Variants in SMYD3 observed in about 807,000 individuals in gnomAD.
The protein encoded by SMYD3 is histone-lysine N-methyltransferase SMYD3.
A neutral mutation model predicts 57.7 loss-of-function variants in SMYD3; 36 were observed. The ratio of observed to expected loss-of-function variants is 0.62; its 90% CI spans 0.48 to 0.82. The LOEUF is 0.82. SMYD3 is among the 40% of genes least tolerant of loss of function. SMYD3 has a pLI of 0.00. For missense variants in SMYD3, 515 were observed against 538.8 expected, an observed-to-expected ratio of 0.96 and a Z score of 0.44; for synonymous variants, 211 against 195.0, an observed-to-expected ratio of 1.08 and a Z score of -0.68.
At chr1:246,181,124 C>A (rs1256745691) in intron 5 of SMYD3, among the ~76,000 whole-genome samples, 1 of 152,190 alleles carries the variant, frequency 6.6e-6, no homozygotes, top group Non-Finnish European at 1.5e-5. Flanking sequence ...GAAACAAGTG[C>A]TCTTGTGAAC....
At chr1:246,354,033 G>A (rs571712893) in intron 2 of SMYD3, among the ~76,000 whole-genome samples, 9 of 152,306 alleles carry the variant, frequency 5.9e-5, no homozygotes, top group African/African-American at 2.2e-4. Context: ...TAAAATGAGA[G>A]AGAAGAAAAC....
intron 1 of SMYD3, among the ~76,000 whole-genome samples, chr1:246,370,408 G>A (rs2066174988): frequency 6.6e-6 from 1 of 152,326 alleles, no homozygotes; most frequent in South Asian, 2.1e-4. Flanking sequence ...GAGTGGCAGA[G>A]AATGGTAGGA....
intron 5 of SMYD3, among the ~76,000 whole-genome samples, chr1:246,120,535 C>G (rs1045050487): frequency 1.3e-5 from 2 of 152,256 alleles, no homozygotes; most frequent in East Asian, 3.9e-4. Flanking sequence ...TTCACAGTTT[C>G]TACTTGTTGG....
chr1:245,945,964 G>C (rs1003147852), intron 5 of SMYD3, among the ~76,000 whole-genome samples: 17 of 152,290 alleles, frequency 1.1e-4, no homozygotes, highest in Non-Finnish European at 5.9e-5. Context: ...CCTGTCCGGG[G>C]ATTGAGGGGC....
chr1:246,351,468 T>C (rs373675532), intron 2 of SMYD3, among the ~76,000 whole-genome samples: 2 of 152,236 alleles, frequency 1.3e-5, no homozygotes, highest in African/African-American at 2.4e-5. Context: ...CTCATAATCA[T>C]GTGTGATGTT....
intron 10 of SMYD3, among the ~76,000 whole-genome samples, chr1:245,854,079 T>C (rs1020056995): frequency 6.6e-6 from 1 of 152,156 alleles, no homozygotes; most frequent in Non-Finnish European, 1.5e-5. Context: ...AAATACTATT[T>C]ATGGACAACA....
At position 245,955,840 on chromosome 1, in the gene SMYD3, A is replaced by C. The variant is rs1001120400; in HGVS notation, c.532-25903T>G. The C allele has an allele frequency of 5.6e-6, 4 of 713,438 alleles. No individual in the cohort carries two copies. The African/African-American group carries it at 7.8e-5, about 14-fold the overall frequency. The allele number at this position is 713,438 out of a possible 1,614,324, so 44.2% of individuals were successfully genotyped here. ...ATACTTTTGGCTACTTACAGATGGA[A>C]TCATACTGCATTGATGATTTTGCAA... is the stretch of plus-strand genomic sequence containing the variant. On this transcript the variant is annotated intron_variant, in intron 5 of 11. Coordinates refer to ENST00000490107, the MANE Select transcript of SMYD3 (RefSeq NM_001167740.2).
chr1:246,198,796 G>A (rs1049037154), intron 5 of SMYD3, among the ~76,000 whole-genome samples: 4 of 152,136 alleles, frequency 2.6e-5, no homozygotes, highest in Non-Finnish European at 5.9e-5. Flanking sequence ...TTTTATAGTG[G>A]CACCTACTTT....
Position 246,248,633 on chromosome 1 carries a change from T to TG in SMYD3, c.531+78567_531+78568insC, listed in dbSNP as rs1558348032. ...CCAGTTATGCAAAAGCTCTCTGACT[T>TG]TCCTTTTTTTTTTTTTTTTTTTTTT... On this transcript the variant is annotated intron_variant, in intron 5 of 11. Transcript: ENST00000490107. Among the ~76,000 whole-genome samples the TG allele has an allele frequency of 9.5e-4, 92 of 96,370 alleles. 7 individuals are homozygous for TG. In the East Asian group the frequency reaches 0.05, roughly 53 times the overall value. 63.2% of individuals were successfully genotyped at this position (96,370 alleles called of 152,430 possible).
chr1:245,892,042 AAAAG>A lies in SMYD3; in HGVS notation c.813+23484_813+23487del, dbSNP rs1448197760. On this transcript the variant is annotated intron_variant, in intron 8 of 11. Transcript: ENST00000490107. ...AGTGACGCCCTGTCTCAAAACAGAA[AAAAG>A]AAAGAAAGAAAAACACCAACCACCC... Among the ~76,000 whole-genome samples the A allele has an allele frequency of 2.5e-3, 376 of 152,254 alleles. 3 individuals carry two copies. Among genetic ancestry groups the A allele is most frequent in the African/African-American group, 8.6e-3 (358 of 41,532 alleles).
chr1:246,423,476 G>A (rs2067174559), intron 1 of SMYD3, among the ~76,000 whole-genome samples: 1 of 151,846 alleles, frequency 6.6e-6, no homozygotes, highest in Non-Finnish European at 1.5e-5. Flanking sequence ...TGAGATGGTG[G>A]GATCACTTGA....
At chr1:245,845,785 C>A (rs2050633996) in intron 10 of SMYD3, among the ~76,000 whole-genome samples, 1 of 152,208 alleles carries the variant, frequency 6.6e-6, no homozygotes, top group South Asian at 2.1e-4. Context: ...ATTCTCTTTA[C>A]CATCTTTGAG....
intron 1 of SMYD3, among the ~76,000 whole-genome samples, chr1:246,364,686 A>G (rs1171113135): frequency 1.3e-5 from 2 of 152,216 alleles, no homozygotes; most frequent in African/African-American, 4.8e-5. Flanking sequence ...TATGGGACGT[A>G]AAACATGGGG....
At chr1:246,149,059 C>A (rs1467707308) in intron 5 of SMYD3, among the ~76,000 whole-genome samples, 4 of 152,184 alleles carry the variant, frequency 2.6e-5, no homozygotes, top group Non-Finnish European at 4.4e-5. Context: ...AGAATCATTT[C>A]TCGAAAGAAA....
chr1:246,286,571 G>A (rs757681476), intron 5 of SMYD3, among the ~76,000 whole-genome samples: 8 of 152,060 alleles, frequency 5.3e-5, no homozygotes, highest in Non-Finnish European at 1.2e-4. Flanking sequence ...ACTCCCTGAA[G>A]GTCTTTTTAA....
chr1:245,858,417 GAATGACT>G, intron 10 of SMYD3, 72 bp downstream of exon 10: 1 of 1,406,546 alleles, frequency 7.1e-7, no homozygotes, highest in East Asian at 2.4e-5. Context: ...GTAGTAATCA[GAATGACT>G]TCACAACATG....
chr1:246,243,311 T>C (rs570621600), intron 5 of SMYD3, among the ~76,000 whole-genome samples: 10 of 143,702 alleles, frequency 7.0e-5, no homozygotes, highest in Non-Finnish European at 1.4e-4. Flanking sequence ...TCTAGGGGAA[T>C]ATGTTGGTAT....
intron 5 of SMYD3, among the ~76,000 whole-genome samples, chr1:246,036,979 C>T (rs2059787164): frequency 1.3e-5 from 2 of 152,056 alleles, no homozygotes; most frequent in Admixed American, 1.3e-4. Context: ...GCTTCCTCAT[C>T]GTTTTTTATG....
chr1:246,199,496 G>A (rs897752088), intron 5 of SMYD3, among the ~76,000 whole-genome samples: 10 of 152,164 alleles, frequency 6.6e-5, no homozygotes, highest in African/African-American at 2.2e-4. Flanking sequence ...AGCCAACCAG[G>A]CTATTTTAAG....
Sources: allele counts gnomAD v4.1 joint callset (sites outside exome capture counted in the v4.1 genomes callset), GRCh38; gene constraint gnomAD v4.1.1; transcripts MANE v1.5; gene names NCBI Gene and HGNC (gene_info 2026-07-23, HGNC 2026-07-21).